Variants in RAD51B observed in about 807,000 individuals in gnomAD.
RAD51B encodes the protein RAD51 paralog B.
Under a neutral mutation model 42.2 loss-of-function variants are expected in RAD51B, and 38 were observed. That is an observed-to-expected ratio of 0.90 (90% CI 0.70 to 1.18). The LOEUF (loss-of-function observed/expected upper bound fraction) is 1.18. Ranked by LOEUF, RAD51B falls within the 50% of genes most tolerant of loss-of-function variation. The pLI is 0.00. For synonymous variants in RAD51B, 154 were observed against 145.2 expected (o/e 1.06, Z -0.43); for missense variants, 373 against 400.7 (o/e 0.93, Z 0.59).
At chr14:68,040,280 T>C (rs2076198277) in intron 7 of RAD51B, among the ~76,000 whole-genome samples, 1 of 152,232 alleles carries the variant, frequency 6.6e-6, no homozygotes, top group Non-Finnish European at 1.5e-5. Context: ...TTGCTAACCC[T>C]GGTATTAATT....
chr14:68,608,978 G>C (rs1891564910), intron 10 of RAD51B, among the ~76,000 whole-genome samples: 1 of 152,050 alleles, frequency 6.6e-6, no homozygotes, highest in Non-Finnish European at 1.5e-5. Context: ...TACCTGCCTG[G>C]CTCCCTCAGA....
chr14:68,354,242 G>A (rs1221071154), intron 8 of RAD51B, among the ~76,000 whole-genome samples: 2 of 131,902 alleles, frequency 1.5e-5, no homozygotes, highest in Non-Finnish European at 3.1e-5. Flanking sequence ...TTTTGAGATG[G>A]AGTCTCGCTC....
intron 7 of RAD51B, among the ~76,000 whole-genome samples, chr14:68,228,573 C>G (rs1000280209): frequency 2.0e-5 from 3 of 151,986 alleles, no homozygotes; most frequent in African/African-American, 7.3e-5. Flanking sequence ...TAGTTCTATT[C>G]ATCATTTTGG....
chr14:67,885,759 C>A, intron 5 of RAD51B, 110 bp from the exon 6 acceptor site: 1 of 1,380,710 alleles, frequency 7.2e-7, no homozygotes, highest in Non-Finnish European at 9.6e-7. Context: ...CTTATACCTG[C>A]TCTATTGATA....
chr14:68,080,223 A>G (rs1234628928), intron 7 of RAD51B, among the ~76,000 whole-genome samples: 1 of 152,148 alleles, frequency 6.6e-6, no homozygotes, highest in Non-Finnish European at 1.5e-5. Context: ...TGTTTATTTG[A>G]TGGGGAATTT....
At chr14:67,892,910 G>A (rs946552556) in intron 7 of RAD51B, among the ~76,000 whole-genome samples, 3 of 152,202 alleles carry the variant, frequency 2.0e-5, no homozygotes, top group African/African-American at 7.2e-5. Context: ...GAGGACACCT[G>A]GAATCTTGCA....
chr14:68,386,340 A>T (rs1029492904), intron 8 of RAD51B, among the ~76,000 whole-genome samples: 9 of 152,180 alleles, frequency 5.9e-5, no homozygotes, highest in African/African-American at 2.2e-4. Context: ...CAATTGGGTT[A>T]AGTTTCCAAC....
At chr14:68,418,292 C>G (rs1377622910) in intron 9 of RAD51B, among the ~76,000 whole-genome samples, 1 of 152,188 alleles carries the variant, frequency 6.6e-6, no homozygotes, top group Non-Finnish European at 1.5e-5. Context: ...TTATGGCAGA[C>G]TTAGCACATG....
chr14:68,224,115 A>G (rs566908521), intron 7 of RAD51B, among the ~76,000 whole-genome samples: 1 of 152,352 alleles, frequency 6.6e-6, no homozygotes, highest in African/African-American at 2.4e-5. Flanking sequence ...GGGTGAAATT[A>G]TTTAAACTGT....
chr14:68,388,877 C>T (rs1042837067), intron 8 of RAD51B, among the ~76,000 whole-genome samples: 3 of 152,112 alleles, frequency 2.0e-5, no homozygotes, highest in African/African-American at 7.2e-5. Flanking sequence ...TTTTCAGAGT[C>T]GCCATTAATA....
chr14:68,173,447 A>C (rs1167616674), intron 7 of RAD51B, among the ~76,000 whole-genome samples: 1 of 152,212 alleles, frequency 6.6e-6, no homozygotes, highest in Non-Finnish European at 1.5e-5. Flanking sequence ...AGTGAGACCT[A>C]AGTGGGGAAT....
At chr14:68,321,816 T>G (rs1328107053) in intron 8 of RAD51B, among the ~76,000 whole-genome samples, 1 of 152,202 alleles carries the variant, frequency 6.6e-6, no homozygotes, top group Non-Finnish European at 1.5e-5. Context: ...AGTGCTGCGA[T>G]CATGGCTCAC....
chr14:68,364,155 C>T (rs1031171170), intron 8 of RAD51B, among the ~76,000 whole-genome samples: 1 of 152,194 alleles, frequency 6.6e-6, no homozygotes, highest in African/African-American at 2.4e-5. Context: ...CTCCGATTGC[C>T]CCAGTGTGTG....
chr14:68,543,758 A>C (rs1888084720), intron 10 of RAD51B, among the ~76,000 whole-genome samples: 1 of 152,180 alleles, frequency 6.6e-6, no homozygotes, highest in Admixed American at 6.5e-5. Context: ...CTACGTTTGT[A>C]TAATGCTGTA....
rs536832079 is a variant in RAD51B at position 68,515,794 on chromosome 14, T to G, written c.1036+47544T>G. On this transcript the variant is annotated intron_variant, in intron 10 of 10. Coordinates refer to the RAD51B transcript ENST00000487270. ...TTTTCTTTTCTTTTTTTTTTTTTTT[T>G]TGAGACAGAGTCTCACTCTGTCGCC... is the stretch of plus-strand genomic sequence containing the variant. Among the ~76,000 whole-genome samples, 409 of 141,660 alleles carry G rather than the reference T, an allele frequency of 2.9e-3. 1 individual carries two copies. The highest frequency in any genetic ancestry group is 0.011 in the Middle Eastern group (3 of 274). The allele number at this position is 141,660 out of a possible 152,430, so 92.9% of individuals were successfully genotyped here. A position where few individuals can be genotyped will look rare whatever the true frequency, so the allele number is the denominator to read the frequency against.
At chr14:68,541,868 A>T in intron 10 of RAD51B, 1 of 963,088 alleles carries the variant, frequency 1.0e-6, no homozygotes, top group Non-Finnish European at 1.2e-6. Context: ...GCCTCATCTC[A>T]TCTCCTCTTT....
chr14:68,436,991 A>G (rs1369384234), intron 9 of RAD51B, among the ~76,000 whole-genome samples: 1 of 152,066 alleles, frequency 6.6e-6, no homozygotes, highest in Non-Finnish European at 1.5e-5. Context: ...TTGTTTTCTT[A>G]CTTGGATCCC....
At chr14:68,677,267 C>T (rs1293322214) in intron 11 of RAD51B, among the ~76,000 whole-genome samples, 4 of 152,166 alleles carry the variant, frequency 2.6e-5, no homozygotes, top group African/African-American at 9.7e-5. Flanking sequence ...CCATCAGTAT[C>T]CAGGGCAGAA....
chr14:67,849,035 C>T (rs559819594), intron 4 of RAD51B, among the ~76,000 whole-genome samples: 74 of 152,190 alleles, frequency 4.9e-4, no homozygotes, highest in African/African-American at 1.4e-3. Flanking sequence ...GCATTGACCT[C>T]GTTGAATGTC....
Sources: allele counts gnomAD v4.1 joint callset (sites outside exome capture counted in the v4.1 genomes callset), GRCh38; gene constraint gnomAD v4.1.1; transcripts MANE v1.5; gene names NCBI Gene and HGNC (gene_info 2026-07-23, HGNC 2026-07-21).